MECOM: variants seen among roughly 807,000 people sequenced by gnomAD.
MECOM encodes histone-lysine N-methyltransferase MECOM.
Under a neutral mutation model 116.3 loss-of-function variants are expected in MECOM, and 13 were observed. The observed-to-expected ratio is 0.11, with a 90% CI of 0.07 to 0.18. MECOM has a LOEUF of 0.18. Ranked by LOEUF, MECOM falls within the 10% of genes least tolerant of loss-of-function variation. The pLI, the probability that MECOM is intolerant of heterozygous loss-of-function variation, is 1.00. For missense variants in MECOM, 1,299 were observed against 1,509.0 expected, an observed-to-expected ratio of 0.86 and a Z score of 2.31; for synonymous variants, 528 against 535.2, an observed-to-expected ratio of 0.99 and a Z score of 0.19.
chr3:169,412,806 T>G (rs912764506), intron 1 of MECOM, among the ~76,000 whole-genome samples: 2 of 152,124 alleles, frequency 1.3e-5, no homozygotes, highest in Non-Finnish European at 2.9e-5. Context: ...AACCAACCAC[T>G]GGCTTTTCAA....
chr3:169,480,684 G>T (rs1156911120), intron 1 of MECOM, among the ~76,000 whole-genome samples: 12 of 152,152 alleles, frequency 7.9e-5, no homozygotes. Context: ...TAACCAATGA[G>T]GTGGGTGGTT....
chr3:169,170,753 GC>G (rs1744291891), intron 2 of MECOM, among the ~76,000 whole-genome samples: 1 of 152,150 alleles, frequency 6.6e-6, no homozygotes, highest in African/African-American at 2.4e-5. Flanking sequence ...CAGCTGGGGA[GC>G]TTTTCCCCTT....
intron 2 of MECOM, among the ~76,000 whole-genome samples, chr3:169,222,733 C>T (rs1215802459): frequency 1.3e-5 from 2 of 152,332 alleles, no homozygotes; most frequent in Non-Finnish European, 1.5e-5. Flanking sequence ...AATTATAGCT[C>T]ATTGCCAGAT....
intron 1 of MECOM, among the ~76,000 whole-genome samples, chr3:169,451,769 G>A (rs1403814204): frequency 6.6e-6 from 1 of 152,026 alleles, no homozygotes; most frequent in Admixed American, 6.6e-5. Flanking sequence ...ATCGCTTAGT[G>A]AGACATTCAT....
chr3:169,397,899 T>G (rs1735264956), intron 1 of MECOM, among the ~76,000 whole-genome samples: 1 of 152,192 alleles, frequency 6.6e-6, no homozygotes. Context: ...ATTACTGCAA[T>G]GTAAGGCAGT....
chr3:169,200,869 C>G (rs1749055751), intron 2 of MECOM, among the ~76,000 whole-genome samples: 1 of 152,042 alleles, frequency 6.6e-6, no homozygotes, highest in South Asian at 2.1e-4. Context: ...TGTTGCTGAC[C>G]ATCATTCAAA....
chr3:169,599,091 T>C (rs981458480), intron 1 of MECOM, among the ~76,000 whole-genome samples: 1 of 152,240 alleles, frequency 6.6e-6, no homozygotes, highest in Non-Finnish European at 1.5e-5. Context: ...TTCAGGGTTT[T>C]GATAAAACGT....
intron 1 of MECOM, among the ~76,000 whole-genome samples, chr3:169,556,879 G>A (rs1197349895): frequency 1.3e-5 from 2 of 152,188 alleles, no homozygotes; most frequent in East Asian, 1.9e-4. Flanking sequence ...ACACTGTTAT[G>A]CCAGCTCCCA....
rs1309028599 is a variant in MECOM at position 169,107,884 on chromosome 3, A to G, written c.2604+42T>C. 1.9e-6 allele frequency: 3 copies of G among 1,570,898 alleles called. No homozygotes were observed. In the African/African-American group the frequency reaches 4.1e-5, roughly 21 times the overall value. On this transcript the variant is annotated intron_variant, in intron 10 of 16. Coordinates refer to ENST00000651503, the MANE Select transcript of MECOM (RefSeq NM_004991.4). ...TAGAATGTAAGCTGTTTTCTTTTTA[A>G]TGCTACATCACTTTAGTCAAAAATA...
chr3:169,323,781 A>G (rs1322393056), intron 2 of MECOM, among the ~76,000 whole-genome samples: 1 of 152,200 alleles, frequency 6.6e-6, no homozygotes, highest in Non-Finnish European at 1.5e-5. Context: ...TTGTACACTG[A>G]CAGCAGCATG....
chr3:169,088,950 C>T (rs745849617), intron 16 of MECOM, 50 bp downstream of exon 16: 24 of 1,341,124 alleles, frequency 1.8e-5, no homozygotes, highest in African/African-American at 4.5e-5. Context: ...AGGAAATGTA[C>T]GTTTCATGCA....
At chr3:169,214,295 A>G (rs1560002108) in intron 2 of MECOM, among the ~76,000 whole-genome samples, 1 of 152,114 alleles carries the variant, frequency 6.6e-6, no homozygotes, top group Non-Finnish European at 1.5e-5. Flanking sequence ...TAAACTAAAC[A>G]TAGTGGATGG....
In MECOM at chr3:169,393,643, T is replaced by C. The variant is rs150702712; in HGVS notation, c.38-12119A>G. 3.3e-5 allele frequency among the ~76,000 whole-genome samples: 5 copies of C among 152,290 alleles called. No homozygotes were observed. The East Asian group carries it at 9.6e-4, about 29-fold the overall frequency. On this transcript the variant is annotated intron_variant, in intron 1 of 16. Transcript: ENST00000651503. The stretch of plus-strand genomic sequence containing the variant: ...AACAACTCTTACTTAGATCCAGGTG[T>C]TATTCACTAGAATAAACAATATCTC...
chr3:169,435,158 T>C (rs762937891), intron 1 of MECOM, among the ~76,000 whole-genome samples: 1 of 152,252 alleles, frequency 6.6e-6, no homozygotes, highest in Non-Finnish European at 1.5e-5. Context: ...TCTTTTTCTA[T>C]ATCTAGAAAA....
chr3:169,399,960 A>G lies in MECOM; in HGVS notation c.38-18436T>C, dbSNP rs574967581. Among the ~76,000 whole-genome samples the G allele has an allele frequency of 5.3e-5, 8 of 152,294 alleles. No homozygotes were observed. The South Asian group carries it at 1.0e-3, about 20-fold the overall frequency. ...AATAAACTCCCAACCCCTTACCCAA[A>G]AAAGGAATGTCTCCAAGTTTAGACT... On this transcript the variant is annotated intron_variant, in intron 1 of 16. Transcript: ENST00000651503.
At chr3:169,648,102 A>G (rs1353823280) in intron 1 of MECOM, among the ~76,000 whole-genome samples, 1 of 152,222 alleles carries the variant, frequency 6.6e-6, no homozygotes, top group Non-Finnish European at 1.5e-5. Flanking sequence ...TCATAATGAC[A>G]TGTTATGACA....
chr3:169,100,358 C>T (rs531268174), intron 12 of MECOM, among the ~76,000 whole-genome samples: 5 of 152,116 alleles, frequency 3.3e-5, no homozygotes, highest in East Asian at 1.9e-4. Flanking sequence ...CTCTGCCTCC[C>T]AAAGTGTCGG....
At chr3:169,117,250 C>G (rs1025225164) in intron 7 of MECOM, among the ~76,000 whole-genome samples, 34 of 152,146 alleles carry the variant, frequency 2.2e-4, no homozygotes, top group African/African-American at 8.0e-4. Flanking sequence ...GGGAAAAAGC[C>G]TGTGACTGCC....
intron 1 of MECOM, among the ~76,000 whole-genome samples, chr3:169,575,041 A>G (rs918658613): frequency 4.6e-5 from 7 of 152,290 alleles, no homozygotes; most frequent in African/African-American, 1.7e-4. Flanking sequence ...AAGGTCAAAA[A>G]GAAAAGAACA....
Sources: allele counts gnomAD v4.1 joint callset (sites outside exome capture counted in the v4.1 genomes callset), GRCh38; gene constraint gnomAD v4.1.1; transcripts MANE v1.5; gene names NCBI Gene and HGNC (gene_info 2026-07-23, HGNC 2026-07-21).